The following GTF2F1 variants were observed in gnomAD, a reference collection of about 807,000 sequenced individuals.
GTF2F1 encodes general transcription factor IIF 74 kDa subunit.
In GTF2F1, 39 loss-of-function variants were observed where a neutral mutation model predicts 63.5. The ratio of observed to expected loss-of-function variants is 0.61; its 90% CI spans 0.48 to 0.80. GTF2F1 has a LOEUF of 0.80. Ranked by LOEUF, GTF2F1 falls within the 30% of genes least tolerant of loss-of-function variation. GTF2F1 has a pLI of 0.00. For synonymous variants in GTF2F1, 287 were observed against 285.3 expected, an observed-to-expected ratio of 1.01 and a Z score of -0.06; for missense variants, 657 against 718.3, an observed-to-expected ratio of 0.91 and a Z score of 0.97.
rs1156781304 is a variant in GTF2F1 at position 6,383,442 on chromosome 19, TC to T, written c.550del (p.Asp184IlefsTer231). The T allele has an allele frequency of 6.2e-7, 1 of 1,614,196 alleles. No individual in the cohort carries two copies. Among genetic ancestry groups the T allele is most frequent in the South Asian group, 1.1e-5 (1 of 91,082 alleles). ...FSIMQQRRLK[D>X]QDQDEDEEEK... ...CTCCTCATCCTCGTCCTGGTCCTGA[TC>T]CTTGAGCCGCCGCTGCTGCATGATG... On this transcript the variant is annotated frameshift_variant, in exon 6 of 13. Coordinates refer to ENST00000394456, the MANE Select transcript of GTF2F1 (RefSeq NM_002096.3). LOFTEE classifies it high-confidence loss of function. The surrounding 1 kb of genome is among the most constrained non-coding windows in gnomAD (Gnocchi z 4.5).
At chr19:6,385,555 G>A (rs1011013909) in intron 5 of GTF2F1, among the ~76,000 whole-genome samples, 7 of 152,126 alleles carry the variant, frequency 4.6e-5, no homozygotes, top group African/African-American at 1.7e-4. Flanking sequence ...CCCCAGCAAT[G>A]ATTGATCGAC....
rs1163826012 is a variant in GTF2F1 at position 6,383,663 on chromosome 19, C to A, written c.498-168G>T. ...CCTGAAACCACACGGATAGAGCCAG[C>A]CCTTCCTGCCTTCCCGTTCTGCCCC... On this transcript the variant is annotated intron_variant, in intron 5 of 12. Coordinates refer to ENST00000394456, the MANE Select transcript of GTF2F1 (RefSeq NM_002096.3). This position sits in a 1 kb window ranked among gnomAD's most constrained non-coding sequence, Gnocchi z 4.5. 2.6e-5 allele frequency among the ~76,000 whole-genome samples: 4 copies of A among 152,218 alleles called. No individual in the cohort carries two copies. Among genetic ancestry groups the A allele is most frequent in the Non-Finnish European group, 5.9e-5 (4 of 68,032 alleles).
At position 6,386,573 on chromosome 19, in the gene GTF2F1, T is replaced by TA. The variant is rs1599213451; in HGVS notation, c.497+815dup. 6.7e-5 allele frequency among the ~76,000 whole-genome samples: 10 copies of TA among 149,250 alleles called. 2 individuals are homozygous for TA. On this transcript the variant is annotated intron_variant, in intron 5 of 12. Coordinates refer to ENST00000394456, the MANE Select transcript of GTF2F1 (RefSeq NM_002096.3). ...CATTCTCCTGCCTCAGCCTCCCGAGTACTGGGACTACAGGCGCCCGCCACC... is the reference window on the plus strand; with the variant it reads ...CATTCTCCTGCCTCAGCCTCCCGAGTAACTGGGACTACAGGCGCCCGCCACC...
intron 4 of GTF2F1, among the ~76,000 whole-genome samples, chr19:6,387,806 T>C (rs2091979545): frequency 6.6e-6 from 1 of 150,718 alleles, no homozygotes; most frequent in African/African-American, 2.4e-5. Flanking sequence ...AAAGACTGTG[T>C]GAGATTATCT....
intron 2 of GTF2F1, 124 bp from the exon 3 acceptor site, chr19:6,392,098 T>G (rs952731047): frequency 1.5e-6 from 1 of 681,862 alleles, no homozygotes; most frequent in African/African-American, 1.8e-5. Flanking sequence ...TTCAATCAAA[T>G]CATTACTTTA....
chr19:6,392,928 G>A (rs756724013), intron 1 of GTF2F1, 25 bp from the exon 2 acceptor site: 2 of 1,614,128 alleles, frequency 1.2e-6, no homozygotes, highest in Non-Finnish European at 8.5e-7. Flanking sequence ...AGCGGTGAGT[G>A]AGGGGTCGCC....
In GTF2F1 at chr19:6,387,266, G is replaced by A. The variant is rs137874429; in HGVS notation, c.497+123C>T. On this transcript the variant is annotated intron_variant, in intron 5 of 12. Transcript: ENST00000394456. ...CTGAACTGACAGCTCTGAGACGGCC[G>A]AGTGGGGTCTGCCCTGGTTACCCCT... is the stretch of plus-strand genomic sequence containing the variant. 1.6e-3 allele frequency: 1,416 copies of A among 880,716 alleles called. 13 individuals carry two copies. The African/African-American group carries it at 0.021, about 13-fold the overall frequency. The allele number at this position is 880,716 out of a possible 1,614,324, so 54.6% of individuals were successfully genotyped here.
In GTF2F1 at chr19:6,380,702, G is replaced by C. The variant is rs1425624117; in HGVS notation, c.1232-12C>G. 6.2e-7 allele frequency: 1 copy of C among 1,608,432 alleles called. No homozygotes were observed. Among genetic ancestry groups the C allele is most frequent in the Non-Finnish European group, 8.5e-7 (1 of 1,179,446 alleles). ...GCTCACCCGCTTCCCTGTGGGAGTGGGGTCAGGGCTGAGTCTTGCAGGCAG... is the reference window on the plus strand; with the variant it reads ...GCTCACCCGCTTCCCTGTGGGAGTGCGGTCAGGGCTGAGTCTTGCAGGCAG... On this transcript the variant is annotated splice_polypyrimidine_tract_variant and intron_variant, in intron 11 of 12. Transcript: ENST00000394456. The surrounding 1 kb of genome is among the most constrained non-coding windows in gnomAD (Gnocchi z 5.3).
intron 5 of GTF2F1, among the ~76,000 whole-genome samples, chr19:6,386,063 G>A (rs1266966085): frequency 2.0e-5 from 3 of 148,754 alleles, no homozygotes; most frequent in South Asian, 2.2e-4. Context: ...GTGACAGAGC[G>A]AGATTCGGTC....
At chr19:6,385,497 A>C (rs915312459) in intron 5 of GTF2F1, among the ~76,000 whole-genome samples, 10 of 151,900 alleles carry the variant, frequency 6.6e-5, no homozygotes, top group African/African-American at 2.2e-4. Flanking sequence ...TCTCCCTAAA[A>C]CTTACAAAGC....
rs1196897227 is a variant in GTF2F1 at position 6,380,291 on chromosome 19, A to G, written c.1544T>C (p.Leu515Pro). The change falls in exon 13 of 13, where the codon CTC becomes CCC. Residue 515 changes from leucine (L) to proline (P), a missense_variant. Coordinates refer to ENST00000394456, the MANE Select transcript of GTF2F1 (RefSeq NM_002096.3). The surrounding 1 kb of genome is among the most constrained non-coding windows in gnomAD (Gnocchi z 5.3). Reference sequence around the variant, plus strand: ...GTATTGGACCAAGCCTCACTCCTTGAGGGAGAAGTGCATTTTGTCGTTGAT... The same window carrying G: ...GTATTGGACCAAGCCTCACTCCTTGGGGGAGAAGTGCATTTTGTCGTTGAT... ...KMINDKMHFSLKE is the reference protein window; with the variant it reads ...KMINDKMHFSPKE 6.2e-7 allele frequency: 1 copy of G among 1,613,778 alleles called. No individual in the cohort carries two copies. The highest frequency in any genetic ancestry group is 1.7e-5 in the Admixed American group (1 of 59,982).
Position 6,381,619 on chromosome 19 carries a change from T to C in GTF2F1, c.837-4A>G. On this transcript the variant is annotated splice_polypyrimidine_tract_variant and splice_region_variant and intron_variant, in intron 7 of 12. Coordinates refer to ENST00000394456, the MANE Select transcript of GTF2F1 (RefSeq NM_002096.3). The surrounding 1 kb of genome is among the most constrained non-coding windows in gnomAD (Gnocchi z 4.1). ...CTCAGGCTCTTCTTGGGAGCTACTG[T>C]AAGACGGGGATGGCAAAGGATGAGC... The C allele has an allele frequency of 6.2e-6, 10 of 1,613,956 alleles. No homozygotes were observed. Among genetic ancestry groups the C allele is most frequent in the Non-Finnish European group, 8.5e-6 (10 of 1,180,026 alleles).
chr19:6,392,496 G>A, intron 2 of GTF2F1: 1 of 529,616 alleles, frequency 1.9e-6, no homozygotes, highest in Non-Finnish European at 3.6e-6. Context: ...TTGAGGGGAG[G>A]CACTCATGGC....
chr19:6,387,156 T>G, intron 5 of GTF2F1: 1 of 513,380 alleles, frequency 1.9e-6, no homozygotes, highest in African/African-American at 1.9e-5. Context: ...CTCTGCCAAT[T>G]TGAGCTCCGG....
chr19:6,381,517 C>T lies in GTF2F1; in HGVS notation c.898+37G>A, dbSNP rs375041963. On this transcript the variant is annotated intron_variant, in intron 8 of 12. Coordinates refer to ENST00000394456, the MANE Select transcript of GTF2F1 (RefSeq NM_002096.3). This position sits in a 1 kb window ranked among gnomAD's most constrained non-coding sequence, Gnocchi z 4.1. ...GGTATGAGCAAGAGCAGGGAAGCAC[C>T]GCCCCCATCTCCCCGGCCCGCCCAG... 1.9e-5 allele frequency: 31 copies of T among 1,609,624 alleles called. No homozygotes were observed. In the East Asian group the frequency reaches 2.0e-4, roughly 10 times the overall value.
At position 6,380,373 on chromosome 19, in the gene GTF2F1, G is replaced by GCTCGCTGCTCAGCCCTGTCTT; in HGVS notation, c.1441_1461dup (p.Lys481_Glu487dup). On this transcript the variant is annotated inframe_insertion, in exon 13 of 13. Coordinates refer to ENST00000394456, the MANE Select transcript of GTF2F1 (RefSeq NM_002096.3). This position sits in a 1 kb window ranked among gnomAD's most constrained non-coding sequence, Gnocchi z 5.3. Reference sequence around the variant, plus strand: ...ATCTGGGCCAACACGTTCACTGTCTGCTCGCTGCTCAGCCCTGTCTTCTTG... The same window carrying GCTCGCTGCTCAGCCCTGTCTT: ...ATCTGGGCCAACACGTTCACTGTCTGCTCGCTGCTCAGCCCTGTCTTCTCGCTGCTCAGCCCTGTCTTCTTG... 6.2e-7 allele frequency: 1 copy of GCTCGCTGCTCAGCCCTGTCTT among 1,614,116 alleles called. No homozygotes were observed. Among genetic ancestry groups the GCTCGCTGCTCAGCCCTGTCTT allele is most frequent in the South Asian group, 1.1e-5 (1 of 91,080 alleles).
chr19:6,391,261 G>C (rs2091995881), intron 3 of GTF2F1, among the ~76,000 whole-genome samples: 1 of 151,980 alleles, frequency 6.6e-6, no homozygotes, highest in Admixed American at 6.6e-5. Context: ...CTGATGGCAG[G>C]GGCTCTGGGA....
chr19:6,380,774 T>G lies in GTF2F1; in HGVS notation c.1232-84A>C, dbSNP rs945394932. ...ACCCCAGGCTGGGCAGTGCCAGGAT[T>G]AGGGTTCAAGGGGATCAGGGAGAGA... On this transcript the variant is annotated intron_variant, in intron 11 of 12. Transcript: ENST00000394456. The surrounding 1 kb of genome is among the most constrained non-coding windows in gnomAD (Gnocchi z 5.3). The G allele has an allele frequency of 6.4e-7, 1 of 1,553,172 alleles. No individual in the cohort carries two copies. Among genetic ancestry groups the G allele is most frequent in the African/African-American group, 1.4e-5 (1 of 73,898 alleles).
At chr19:6,389,349 G>C (rs2091986955) in intron 4 of GTF2F1, 95 bp downstream of exon 4, 2 of 963,930 alleles carry the variant, frequency 2.1e-6, no homozygotes, top group African/African-American at 1.6e-5. Flanking sequence ...GTGGGAATCT[G>C]AGGTTCAGAG....
Sources: allele counts gnomAD v4.1 joint callset (sites outside exome capture counted in the v4.1 genomes callset), GRCh38; gene constraint gnomAD v4.1.1; non-coding constraint Gnocchi (gnomAD v3.1); transcripts MANE v1.5; gene names NCBI Gene and HGNC (gene_info 2026-07-23, HGNC 2026-07-21).